TUSC3: variants seen among roughly 807,000 people sequenced by gnomAD.
The protein encoded by TUSC3 is dolichyl-diphosphooligosaccharide--protein glycosyltransferase subunit TUSC3.
A neutral mutation model predicts 44.8 loss-of-function variants in TUSC3; 45 were observed. The observed-to-expected ratio is 1.00, with a 90% CI of 0.79 to 1.29. TUSC3 has a LOEUF of 1.29. Among genes scored for constraint, TUSC3 ranks in the 50% most tolerant of loss-of-function variants. TUSC3 has a pLI of 0.00. For synonymous variants in TUSC3, 212 were observed against 152.9 expected, an observed-to-expected ratio of 1.39 and a Z score of -2.85; for missense variants, 519 against 437.9, an observed-to-expected ratio of 1.19 and a Z score of -1.65.
At chr8:15,440,865 C>G (rs1044329752) in intron 1 of TUSC3, among the ~76,000 whole-genome samples, 2 of 152,122 alleles carry the variant, frequency 1.3e-5, no homozygotes, top group Non-Finnish European at 2.9e-5. Context: ...TAGCAACTGC[C>G]TCCCCAGATA....
intron 2 of TUSC3, among the ~76,000 whole-genome samples, chr8:15,498,002 G>A (rs13250859): frequency 0.25 from 37,788 of 151,842 alleles, 5,077 homozygotes; most frequent in Non-Finnish European, 0.31. Flanking sequence ...GCCCCCCTTC[G>A]GCCTTCCAAA....
chr8:15,835,177 A>G, the TUSC3 span, among the ~76,000 whole-genome samples: 1 of 152,164 alleles, frequency 6.6e-6, no homozygotes, highest in South Asian at 2.1e-4. Context: ...AATCACTTTC[A>G]TAAGTGATAT....
rs186676174 is a variant in TUSC3 at position 15,551,737 on chromosome 8, C to T, written c.138+11169C>T. Among the ~76,000 whole-genome samples, 24 of 151,704 alleles carry T rather than the reference C, an allele frequency of 1.6e-4. No individual in the cohort carries two copies. In the East Asian group the frequency reaches 3.3e-3, roughly 21 times the overall value. ...CTGCCGGTCTCTTGTGTTCAAGGTA[C>T]GTGTTATAAGGGTAAGAAACAAAAT... On this transcript the variant is annotated intron_variant, in intron 1 of 10. Coordinates refer to ENST00000503731, the MANE Select transcript of TUSC3 (RefSeq NM_006765.4).
chr8:15,611,228 C>T (rs1300848020), intron 1 of TUSC3, among the ~76,000 whole-genome samples: 1 of 152,104 alleles, frequency 6.6e-6, no homozygotes, highest in African/African-American at 2.4e-5. Flanking sequence ...GCCCTGTCTC[C>T]CAGTCTGGAG....
intron 1 of TUSC3, among the ~76,000 whole-genome samples, chr8:15,616,232 A>G (rs1359359013): frequency 6.6e-6 from 1 of 152,224 alleles, no homozygotes; most frequent in Non-Finnish European, 1.5e-5. Flanking sequence ...TTATAGTGAC[A>G]TGTATTTTTA....
At chr8:15,801,000 G>T in the TUSC3 span, among the ~76,000 whole-genome samples, 20 of 152,166 alleles carry the variant, frequency 1.3e-4, no homozygotes, top group African/African-American at 4.6e-4. Flanking sequence ...ACAAGAAAGG[G>T]GTCCCGATCC....
chr8:15,436,330 A>T (rs759484371), intron 1 of TUSC3, among the ~76,000 whole-genome samples: 18 of 152,180 alleles, frequency 1.2e-4, no homozygotes, highest in Non-Finnish European at 1.8e-4. Context: ...GGCAGTTTGT[A>T]ATGAGAGCAT....
At chr8:15,734,648 T>C (rs1228954188) in intron 7 of TUSC3, among the ~76,000 whole-genome samples, 1 of 152,188 alleles carries the variant, frequency 6.6e-6, no homozygotes, top group African/African-American at 2.4e-5. Flanking sequence ...ATACTTATAA[T>C]ACAGTGAGAC....
intron 1 of TUSC3, among the ~76,000 whole-genome samples, chr8:15,438,415 G>A (rs993077427): frequency 2.0e-5 from 3 of 152,078 alleles, no homozygotes; most frequent in Non-Finnish European, 4.4e-5. Context: ...TGTGTTATAG[G>A]AGATGCTGCA....
At chr8:15,756,469 A>G (rs1273570199) in intron 9 of TUSC3, among the ~76,000 whole-genome samples, 12 of 152,190 alleles carry the variant, frequency 7.9e-5, no homozygotes. Context: ...CTGATTATTC[A>G]GTAGTACTTT....
rs560334785 is a variant in TUSC3 at position 15,417,659 on chromosome 8, A to G, written n.91+354A>G. On this transcript the variant is annotated intron_variant and non_coding_transcript_variant, in intron 1 of 5. Coordinates refer to the TUSC3 transcript ENST00000503191. ...TATACTAGAGAGAAAATATTGCTGC[A>G]TATTCACATGTGAAGATGCTGAGCA... is the stretch of plus-strand genomic sequence containing the variant. Among the ~76,000 whole-genome samples the G allele has an allele frequency of 2.6e-5, 4 of 152,332 alleles. No homozygotes were observed. In the South Asian group the frequency reaches 8.3e-4, roughly 32 times the overall value.
At chr8:15,811,057 GA>G in the TUSC3 span, among the ~76,000 whole-genome samples, 2 of 151,796 alleles carry the variant, frequency 1.3e-5, no homozygotes, top group African/African-American at 4.9e-5. Flanking sequence ...GGAAAGGAAA[GA>G]AAAGGGGGAA....
Position 15,722,847 on chromosome 8 carries a change from T to A in TUSC3, c.799-7819T>A, listed in dbSNP as rs191006346. On this transcript the variant is annotated intron_variant, in intron 6 of 10. Transcript: ENST00000503731. ...CTGTTTAAATAAAAAAAAACCCTTC[T>A]TACTTGTGAGAAGTTTTCCCTGAAT... Among the ~76,000 whole-genome samples, 7 of 152,150 alleles carry A rather than the reference T, an allele frequency of 4.6e-5. No individual in the cohort carries two copies. In the East Asian group the frequency reaches 1.4e-3, roughly 29 times the overall value.
rs869264757 is a variant in TUSC3, at chr8:15,504,621, A to ATTT, written n.189+21157_189+21159dup. 1.1e-3 allele frequency among the ~76,000 whole-genome samples: 22 copies of ATTT among 20,284 alleles called. 2 individuals are homozygous for ATTT. Among genetic ancestry groups the ATTT allele is most frequent in the East Asian group, 7.2e-3 (4 of 552 alleles). 13.3% of individuals were successfully genotyped at this position (20,284 alleles called of 152,430 possible). ...TATATATATATATATATATATATAT[A>ATTT]TTTTTTTTTTTTTTTTTTTTTAAGT... is the stretch of plus-strand genomic sequence containing the variant. On this transcript the variant is annotated intron_variant and non_coding_transcript_variant, in intron 2 of 5. Coordinates refer to the TUSC3 transcript ENST00000503191.
In TUSC3 at chr8:15,710,803, A is replaced by G. The variant is rs1469483570; in HGVS notation, c.799-19863A>G. Among the ~76,000 whole-genome samples the G allele has an allele frequency of 6.7e-5, 10 of 148,312 alleles. No individual in the cohort carries two copies. The Admixed American group carries it at 6.8e-4, about 10-fold the overall frequency. On this transcript the variant is annotated intron_variant, in intron 6 of 10. Transcript: ENST00000503731. ...AGTGAATATATATATTTATAAATAT[A>G]TATATTTGCATGAAGTGAATTTATA...
At chr8:15,691,200 T>C (rs1808884822) in intron 6 of TUSC3, among the ~76,000 whole-genome samples, 2 of 152,080 alleles carry the variant, frequency 1.3e-5, no homozygotes, top group Non-Finnish European at 2.9e-5. Flanking sequence ...TTTATAATTA[T>C]GAAATATTTC....
At chr8:15,809,155 C>T in the TUSC3 span, among the ~76,000 whole-genome samples, 1 of 152,074 alleles carries the variant, frequency 6.6e-6, no homozygotes, top group Non-Finnish European at 1.5e-5. Flanking sequence ...ATGTCAACGG[C>T]AGGAGGAAGA....
the TUSC3 span, among the ~76,000 whole-genome samples, chr8:15,785,601 T>G: frequency 6.6e-6 from 1 of 152,074 alleles, no homozygotes; most frequent in East Asian, 1.9e-4. Flanking sequence ...AATTGAAAAC[T>G]GCGCAATCTG....
intron 2 of TUSC3, among the ~76,000 whole-genome samples, chr8:15,642,364 T>C (rs765839207): frequency 6.6e-6 from 1 of 152,160 alleles, no homozygotes; most frequent in Non-Finnish European, 1.5e-5. Flanking sequence ...CTATTAAAAA[T>C]AAGTTTGATG....
Sources: gnomAD v4.1 joint callset for allele counts (sites outside exome capture counted in the v4.1 genomes callset) on GRCh38, gnomAD v4.1.1 for gene constraint, MANE v1.5 for transcripts, NCBI Gene and HGNC (gene_info 2026-07-23, HGNC 2026-07-21) for gene names.